PLCXD3: variants seen among roughly 807,000 people sequenced by gnomAD.
PLCXD3 encodes PI-PLC X domain-containing protein 3.
PLCXD3 carries 19 observed loss-of-function variants against 25.5 expected under a neutral mutation model. That is an observed-to-expected ratio of 0.75 (90% confidence interval 0.52 to 1.09). PLCXD3 has a LOEUF of 1.09. Ranked by LOEUF, PLCXD3 falls within the 50% of genes least tolerant of loss-of-function variation. The pLI is 0.00. For synonymous variants in PLCXD3, 174 were observed against 137.6 expected (o/e 1.26, Z -1.85); for missense variants, 411 against 388.1 (o/e 1.06, Z -0.50).
At chr5:41,420,293 G>A (rs1746789565) in intron 1 of PLCXD3, among the ~76,000 whole-genome samples, 2 of 152,150 alleles carry the variant, frequency 1.3e-5, no homozygotes, top group Admixed American at 1.3e-4. Context: ...GGTCTTATTT[G>A]AGATGAATAT....
chr5:41,322,911 T>C (rs1278451632), intron 2 of PLCXD3, among the ~76,000 whole-genome samples: 1 of 150,618 alleles, frequency 6.6e-6, no homozygotes, highest in Non-Finnish European at 1.5e-5. Flanking sequence ...GAGGAGGAGG[T>C]TGCAGTGAGT....
At chr5:41,391,854 T>A (rs1745835232) in intron 1 of PLCXD3, among the ~76,000 whole-genome samples, 1 of 152,062 alleles carries the variant, frequency 6.6e-6, no homozygotes, top group Non-Finnish European at 1.5e-5. Context: ...CCAGGCAGCA[T>A]CTACCACAAG....
intron 2 of PLCXD3, among the ~76,000 whole-genome samples, chr5:41,353,467 T>C (rs140406511): frequency 3.3e-5 from 5 of 152,292 alleles, no homozygotes; most frequent in East Asian, 1.9e-4. Context: ...GAGTTTTATA[T>C]AAGTAGGATT....
At chr5:41,392,710 C>G (rs1745868271) in intron 1 of PLCXD3, among the ~76,000 whole-genome samples, 1 of 152,152 alleles carries the variant, frequency 6.6e-6, no homozygotes, top group East Asian at 1.9e-4. Flanking sequence ...ACCAAATTAA[C>G]TAAATGAGGC....
chr5:41,376,416 A>G (rs1241707627), intron 2 of PLCXD3, among the ~76,000 whole-genome samples: 1 of 152,064 alleles, frequency 6.6e-6, no homozygotes, highest in East Asian at 1.9e-4. Context: ...TCTGAAGTCC[A>G]GTTCTGATTT....
intron 2 of PLCXD3, among the ~76,000 whole-genome samples, chr5:41,323,801 A>G (rs1049755034): frequency 1.3e-5 from 2 of 152,198 alleles, no homozygotes; most frequent in Non-Finnish European, 2.9e-5. Context: ...AAGGAGAGGA[A>G]GAAAGGGACC....
intron 2 of PLCXD3, among the ~76,000 whole-genome samples, chr5:41,341,767 T>C (rs188896618): frequency 1.3e-5 from 2 of 152,274 alleles, no homozygotes; most frequent in Admixed American, 6.5e-5. Context: ...AATCTCCCCG[T>C]GTTGCTAATC....
intron 1 of PLCXD3, among the ~76,000 whole-genome samples, chr5:41,485,463 C>T (rs1748498135): frequency 6.6e-6 from 1 of 152,054 alleles, no homozygotes; most frequent in Admixed American, 6.6e-5. Flanking sequence ...CTCCAGAGAC[C>T]CCCTCCTTCA....
intron 1 of PLCXD3, among the ~76,000 whole-genome samples, chr5:41,476,087 C>T (rs568668425): frequency 5.3e-5 from 8 of 152,292 alleles, no homozygotes; most frequent in Admixed American, 4.6e-4. Context: ...TAAATCCAGG[C>T]AAGTACTGAA....
chr5:41,412,398 T>G (rs911212785), intron 1 of PLCXD3, among the ~76,000 whole-genome samples: 25 of 152,220 alleles, frequency 1.6e-4, no homozygotes, highest in African/African-American at 5.8e-4. Context: ...TTCCTATATC[T>G]TTTATAATAA....
At chr5:41,475,277 C>T (rs559988373) in intron 1 of PLCXD3, among the ~76,000 whole-genome samples, 51 of 152,274 alleles carry the variant, frequency 3.3e-4, no homozygotes, top group African/African-American at 1.2e-3. Context: ...AGACTTGTAA[C>T]GGGGTTTGTC....
At chr5:41,467,730 T>C (rs1748049663) in intron 1 of PLCXD3, among the ~76,000 whole-genome samples, 1 of 152,212 alleles carries the variant, frequency 6.6e-6, no homozygotes, top group South Asian at 2.1e-4. Flanking sequence ...TGATTGATTT[T>C]TGTATGTAGT....
intron 1 of PLCXD3, among the ~76,000 whole-genome samples, chr5:41,509,714 C>T (rs946119152): frequency 6.6e-6 from 1 of 152,220 alleles, no homozygotes; most frequent in African/African-American, 2.4e-5. Flanking sequence ...CAAGGGTTTG[C>T]TTTTTTGACC....
chr5:41,397,013 C>A (rs144847882), intron 1 of PLCXD3, among the ~76,000 whole-genome samples: 1 of 152,148 alleles, frequency 6.6e-6, no homozygotes, highest in Non-Finnish European at 1.5e-5. Context: ...AAAAGGAATG[C>A]AGATCATAAA....
intron 1 of PLCXD3, among the ~76,000 whole-genome samples, chr5:41,425,024 T>C (rs1746921759): frequency 6.6e-6 from 1 of 152,196 alleles, no homozygotes; most frequent in African/African-American, 2.4e-5. Flanking sequence ...TTTTACTTTA[T>C]ATATTTTGGG....
chr5:41,335,028 GT>G (rs1164442415), intron 2 of PLCXD3, among the ~76,000 whole-genome samples: 2 of 152,172 alleles, frequency 1.3e-5, no homozygotes, highest in African/African-American at 4.8e-5. Context: ...CAGACAATGG[GT>G]TTTCTTTCAA....
intron 2 of PLCXD3, among the ~76,000 whole-genome samples, chr5:41,359,460 G>T (rs1744713885): frequency 6.6e-6 from 1 of 152,020 alleles, no homozygotes; most frequent in Non-Finnish European, 1.5e-5. Context: ...GTATATTTCT[G>T]GGAGCTTATC....
chr5:41,347,084 G>C (rs1744320717), intron 2 of PLCXD3, among the ~76,000 whole-genome samples: 1 of 152,136 alleles, frequency 6.6e-6, no homozygotes, highest in Admixed American at 6.6e-5. Flanking sequence ...CTGCAAAACT[G>C]ACTTCCAAAA....
chr5:41,316,173 A>G (rs1001069511), intron 2 of PLCXD3, among the ~76,000 whole-genome samples: 3 of 152,156 alleles, frequency 2.0e-5, no homozygotes, highest in African/African-American at 7.2e-5. Flanking sequence ...CAGCTCAGCC[A>G]CAGCAGGATA....
Sources: gnomAD v4.1 joint callset for allele counts (sites outside exome capture counted in the v4.1 genomes callset) on GRCh38, gnomAD v4.1.1 for gene constraint, MANE v1.5 for transcripts, NCBI Gene and HGNC (gene_info 2026-07-23, HGNC 2026-07-21) for gene names.